Variants in MYDGF observed in about 807,000 individuals in gnomAD.
MYDGF encodes myeloid derived growth factor.
In MYDGF, 29 loss-of-function variants were observed where a neutral mutation model predicts 24.2. The ratio of observed to expected loss-of-function variants is 1.20; its 90% CI spans 0.89 to 1.63. The LOEUF is 1.63. Ranked by LOEUF, MYDGF falls within the 40% of genes most tolerant of loss-of-function variation. The pLI is 0.00. For missense variants in MYDGF, 245 were observed against 234.8 expected (o/e 1.04, Z -0.29); for synonymous variants, 105 against 102.5 (o/e 1.02, Z -0.15).
intron 1 of MYDGF, among the ~76,000 whole-genome samples, chr19:4,669,790 T>C (rs2088550008): frequency 6.6e-6 from 1 of 152,050 alleles, no homozygotes; most frequent in African/African-American, 2.4e-5. Context: ...CTGATTTCCT[T>C]CAGGCCCAGG....
chr19:4,660,389 A>T (rs2088460274), intron 4 of MYDGF, among the ~76,000 whole-genome samples: 2 of 151,974 alleles, frequency 1.3e-5, no homozygotes, highest in African/African-American at 4.8e-5. Context: ...CAGCCTCCCA[A>T]ATTGCTGGGA....
At chr19:4,661,620 G>A (rs954090282) in intron 3 of MYDGF, among the ~76,000 whole-genome samples, 1 of 152,106 alleles carries the variant, frequency 6.6e-6, no homozygotes, top group African/African-American at 2.4e-5. Context: ...GAGTGTGATG[G>A]GGATGGAGGG....
intron 2 of MYDGF, 131 bp downstream of exon 2, chr19:4,668,464 G>A (rs2145189915): frequency 1.4e-6 from 1 of 702,790 alleles, no homozygotes; most frequent in Non-Finnish European, 2.5e-6. Context: ...CCTTTTTATT[G>A]GTTTAGGAAG....
rs760536521 is a variant in MYDGF, at chr19:4,660,696, G to A, written c.342C>T (p.Gly114=). ...YFTQFKAEVR[G]AEIEYAMAYS... is the part of the protein sequence containing the mutation. ...AGGCCATGGCGTACTCAATCTCAGC[G>A]CCCCGCACCTCTGCCTTGAACTGTG... Residue 114 remains glycine (G), a synonymous_variant, in exon 4 of 6, where the codon GGC becomes GGT. Transcript: ENST00000262947. The A allele has an allele frequency of 2.5e-5, 41 of 1,614,004 alleles. No individual in the cohort carries two copies. Among genetic ancestry groups the A allele is most frequent in the Middle Eastern group, 1.6e-4 (1 of 6,062 alleles).
At chr19:4,668,485 T>C (rs991821509) in intron 2 of MYDGF, 110 bp downstream of exon 2, 14 of 844,408 alleles carry the variant, frequency 1.7e-5, no homozygotes, top group African/African-American at 1.7e-5. Flanking sequence ...AGTCATTCAA[T>C]GAGTGTAAGG....
chr19:4,660,543 C>A (rs2088461522), intron 4 of MYDGF, 126 bp downstream of exon 4: 1 of 886,932 alleles, frequency 1.1e-6, no homozygotes, highest in East Asian at 2.6e-5. Flanking sequence ...ACACACCCTA[C>A]CTCTGCAGGA....
At chr19:4,665,987 C>A (rs186021356) in intron 2 of MYDGF, among the ~76,000 whole-genome samples, 2 of 152,060 alleles carry the variant, frequency 1.3e-5, no homozygotes, top group East Asian at 3.9e-4. Flanking sequence ...CAAGACTATT[C>A]CAGGTTGTCG....
Position 4,658,068 on chromosome 19 carries a change from C to G in MYDGF, c.459G>C (p.Gly153=), listed in dbSNP as rs1372716735. 6.2e-7 allele frequency: 1 copy of G among 1,611,232 alleles called. No individual in the cohort carries two copies. ...GCTTGGACAGCTCAGCTTTGAATGCCCCGGGCCTGTGAGCCACTGCAAGAA... is the reference window on the plus strand; with the variant it reads ...GCTTGGACAGCTCAGCTTTGAATGCGCCGGGCCTGTGAGCCACTGCAAGAA... ...VTKTAVAHRP[G]AFKAELSKLV... Residue 153 remains glycine, a synonymous_variant, in exon 6 of 6, where the codon GGG becomes GGC. Transcript: ENST00000262947.
At chr19:4,662,374 C>T (rs2088477859) in intron 3 of MYDGF, among the ~76,000 whole-genome samples, 1 of 152,208 alleles carries the variant, frequency 6.6e-6, no homozygotes, top group Non-Finnish European at 1.5e-5. Flanking sequence ...CATTCTGGGC[C>T]AAGGATCAGG....
At chr19:4,658,188 G>A (rs890104628) in intron 5 of MYDGF, 104 bp from the exon 6 acceptor site, 3 of 942,002 alleles carry the variant, frequency 3.2e-6, no homozygotes, top group Non-Finnish European at 4.8e-6. Context: ...GGCAAGGGGA[G>A]CAGTCTCCAA....
chr19:4,665,273 C>T (rs1025193917), intron 2 of MYDGF, among the ~76,000 whole-genome samples: 11 of 152,286 alleles, frequency 7.2e-5, no homozygotes, highest in Admixed American at 4.6e-4. Context: ...CCTGGGCTGG[C>T]GTGCAGTGGC....
chr19:4,661,983 T>C (rs1419410732), intron 3 of MYDGF, among the ~76,000 whole-genome samples: 3 of 152,112 alleles, frequency 2.0e-5, no homozygotes, highest in Non-Finnish European at 4.4e-5. Context: ...ATGGCGACCG[T>C]GGGCTTCCCC....
chr19:4,658,131 C>T, intron 5 of MYDGF, 47 bp from the exon 6 acceptor site: 4 of 1,550,482 alleles, frequency 2.6e-6, no homozygotes, highest in Non-Finnish European at 3.5e-6. Flanking sequence ...TGAAAATTCT[C>T]AGAAGTCCGG....
Position 4,670,242 on chromosome 19 carries a change from C to T in MYDGF, c.93G>A (p.Ala31=), listed in dbSNP as rs1386636105. 2 of 1,566,068 alleles carry T rather than the reference C, an allele frequency of 1.3e-6. No homozygotes were observed. The highest frequency in any genetic ancestry group is 2.5e-5 in the East Asian group (1 of 39,316). ...ACGCCACCGTCGTGGGCTCGGACAC[C>T]GCCTCCGCCGGCCTCAGCGCCACGG... is the stretch of plus-strand genomic sequence containing the variant. ...LGAVALRPAE[A]VSEPTTVAFD... is the part of the protein sequence containing the mutation. The change falls in exon 1 of 6, where the codon GCG becomes GCA. Residue 31 remains alanine (A), a synonymous_variant. Transcript: ENST00000262947.
chr19:4,658,042 A>G lies in MYDGF; in HGVS notation c.485T>C (p.Leu162Pro). 1.9e-6 allele frequency: 3 copies of G among 1,611,968 alleles called. No homozygotes were observed. The highest frequency in any genetic ancestry group is 2.5e-6 in the Non-Finnish European group (3 of 1,179,474). Residue 162 changes from leucine (L) to proline (P), a missense_variant, in exon 6 of 6, where the codon CTG becomes CCG. Leu to Pro is a moderately conservative substitution (Grantham distance 98). Coordinates refer to ENST00000262947, the MANE Select transcript of MYDGF (RefSeq NM_019107.4). The stretch of plus-strand genomic sequence containing the variant: ...GCGCGATGCCTTGGCCACAATCACC[A>G]GCTTGGACAGCTCAGCTTTGAATGC... Reference protein sequence around the residue: ...PGAFKAELSKLVIVAKASRTE... With the variant: ...PGAFKAELSKPVIVAKASRTE...
chr19:4,660,915 G>GGAT (rs2088465528), intron 3 of MYDGF, among the ~76,000 whole-genome samples, 165 bp from the exon 4 acceptor site: 1 of 151,808 alleles, frequency 6.6e-6, no homozygotes, highest in African/African-American at 2.4e-5. Context: ...TGACTGGGAA[G>GGAT]GATGGATGGG....
intron 5 of MYDGF, 57 bp downstream of exon 5, chr19:4,659,874 T>C (rs2088456332): frequency 1.3e-6 from 2 of 1,538,916 alleles, no homozygotes; most frequent in Non-Finnish European, 9.0e-7. Context: ...ACTGCCCCGA[T>C]TGCCCACCCT....
rs1599841632 is a variant in MYDGF at position 4,670,112 on chromosome 19, T to C, written c.174+49A>G. On this transcript the variant is annotated intron_variant, in intron 1 of 5. Transcript: ENST00000262947. Reference sequence around the variant, plus strand: ...CCCGCCCCCAATGCTCCGCGCCCCCTCCCCGGGCCTGCCAGCACTCAAATA... The same window carrying C: ...CCCGCCCCCAATGCTCCGCGCCCCCCCCCCGGGCCTGCCAGCACTCAAATA... The C allele has an allele frequency of 8.6e-6, 11 of 1,280,514 alleles. No homozygotes were observed. In the South Asian group the frequency reaches 1.2e-4, roughly 13 times the overall value. The allele number at this position is 1,280,514 out of a possible 1,614,324, so 79.3% of individuals were successfully genotyped here.
chr19:4,658,302 G>A (rs1405101007), intron 5 of MYDGF, among the ~76,000 whole-genome samples: 1 of 152,170 alleles, frequency 6.6e-6, no homozygotes, highest in Non-Finnish European at 1.5e-5. Flanking sequence ...AACATAGATG[G>A]CAGGCAGCAG....
Sources: gnomAD v4.1 joint callset for allele counts (sites outside exome capture counted in the v4.1 genomes callset) on GRCh38, gnomAD v4.1.1 for gene constraint, MANE v1.5 for transcripts, NCBI Gene and HGNC (gene_info 2026-07-23, HGNC 2026-07-21) for gene names.